Variants in NBPF12 observed in about 807,000 individuals in gnomAD.
The protein encoded by NBPF12 is NBPF member 12, also known as NBPF family member NBPF12.
A neutral mutation model predicts 146.4 loss-of-function variants in NBPF12; 115 were observed. The observed-to-expected ratio is 0.79, with a 90% CI of 0.68 to 0.92. The LOEUF (loss-of-function observed/expected upper bound fraction) is 0.92. Among genes scored for constraint, NBPF12 ranks in the 40% least tolerant of loss-of-function variants. The pLI, the probability that NBPF12 is intolerant of heterozygous loss-of-function variation, is 0.00. For missense variants in NBPF12, 1,205 were observed against 1,326.8 expected (o/e 0.91, Z 1.43); for synonymous variants, 385 against 508.9 (o/e 0.76, Z 3.28).
chr1:146,974,236 A>C (rs1656847906), intron 14 of NBPF12, among the ~76,000 whole-genome samples: 1 of 147,136 alleles, frequency 6.8e-6, no homozygotes, highest in Non-Finnish European at 1.5e-5. Flanking sequence ...TGCTTCAGAT[A>C]TGATTCTTAA....
At chr1:146,960,537 T>C (rs1298029915) in intron 4 of NBPF12, among the ~76,000 whole-genome samples, 1 of 151,914 alleles carries the variant, frequency 6.6e-6, no homozygotes, top group African/African-American at 2.4e-5. Flanking sequence ...GGGACTAGAG[T>C]TAAACTCACA....
intron 17 of NBPF12, among the ~76,000 whole-genome samples, chr1:146,977,245 A>G (rs1657102710): frequency 7.0e-6 from 1 of 142,102 alleles, no homozygotes; most frequent in Non-Finnish European, 1.5e-5. Context: ...CTATCTGTCC[A>G]GTGCAATGAA....
intron 8 of NBPF12, among the ~76,000 whole-genome samples, chr1:146,965,345 A>G (rs1304866805): frequency 1.3e-5 from 2 of 151,418 alleles, no homozygotes; most frequent in African/African-American, 2.4e-5. Context: ...CGAAGAATAC[A>G]AAAAATTAGG....
rs1553886355 is a variant in NBPF12 at position 146,971,204 on chromosome 1, A to G, written c.1401A>G (p.Glu467=). The change falls in exon 13 of 34, where the codon GAA becomes GAG. Residue 467 remains glutamate, a synonymous_variant. Transcript: ENST00000617844. ...TCAGGGAGATGCAGAAGGCTGAAGA[A>G]AGCAAAGTCCCTGAGGACTCACTGG... 1.4e-4 allele frequency: 219 copies of G among 1,609,296 alleles called. 5 individuals carry two copies. The highest frequency in any genetic ancestry group is 5.8e-4 in the East Asian group (26 of 44,818).
rs1231872061 is a variant in NBPF12, at chr1:146,957,834, A to T, written c.-183-2025A>T. On this transcript the variant is annotated intron_variant, in intron 2 of 33. Coordinates refer to ENST00000617844, the Ensembl canonical transcript of NBPF12. ...GCTCCGCCACTTAAAAAAGAAAAAAAAAATATAATATATATATATATACAC... is the reference window on the plus strand; with the variant it reads ...GCTCCGCCACTTAAAAAAGAAAAAATAAATATAATATATATATATATACAC... 3.2e-5 allele frequency among the ~76,000 whole-genome samples: 3 copies of T among 92,846 alleles called. 1 individual carries two copies. Among genetic ancestry groups the T allele is most frequent in the Non-Finnish European group, 6.4e-5 (3 of 46,940 alleles). The allele number at this position is 92,846 out of a possible 152,430, so 60.9% of individuals were successfully genotyped here. A position where few individuals can be genotyped will look rare whatever the true frequency, so the allele number is the denominator to read the frequency against.
At chr1:146,984,971 C>T in exon 22 of NBPF12, 1 of 1,345,152 alleles carries the variant, frequency 7.4e-7, no homozygotes. Context: ...GTTGGCTTGG[C>T]TGTTGACATG....
chr1:146,953,478 G>T (rs1412981248), intron 2 of NBPF12, among the ~76,000 whole-genome samples: 1 of 132,960 alleles, frequency 7.5e-6, no homozygotes, highest in Non-Finnish European at 1.6e-5. Flanking sequence ...CAAAGTGCTG[G>T]GATTACAGGC....
chr1:146,961,074 A>G (rs1655818310), intron 4 of NBPF12, among the ~76,000 whole-genome samples: 1 of 152,132 alleles, frequency 6.6e-6, no homozygotes, highest in Non-Finnish European at 1.5e-5. Context: ...TGAACCCAGC[A>G]GGCAGGTGTT....
At chr1:146,972,117 CA>C (rs1656678325) in intron 13 of NBPF12, among the ~76,000 whole-genome samples, 1 of 146,644 alleles carries the variant, frequency 6.8e-6, no homozygotes, top group Non-Finnish European at 1.5e-5. Context: ...AGTCTCTGAC[CA>C]GGGGCGCTGG....
chr1:146,946,188 G>A (rs1655055626), upstream of NBPF12, among the ~76,000 whole-genome samples: 6 of 139,532 alleles, frequency 4.3e-5, no homozygotes, highest in South Asian at 1.3e-3. Context: ...TCATTCACTT[G>A]GTGAAAGACG....
At chr1:146,951,386 A>T in exon 2 of NBPF12, 2 of 625,948 alleles carry the variant, frequency 3.2e-6, no homozygotes, top group Non-Finnish European at 5.6e-6. Flanking sequence ...ATAATATCAT[A>T]CCTGGAGAAA....
intron 25 of NBPF12, among the ~76,000 whole-genome samples, 159 bp from the exon 29 acceptor site, chr1:146,987,794 CT>C (rs1371703588): frequency 1.3e-5 from 2 of 151,918 alleles, no homozygotes; most frequent in African/African-American, 2.4e-5. Context: ...CCATTTGGCC[CT>C]GTTCTGTCCC....
intron 10 of NBPF12, among the ~76,000 whole-genome samples, chr1:146,969,125 G>C (rs1342686659): frequency 6.6e-6 from 1 of 151,224 alleles, no homozygotes; most frequent in South Asian, 2.1e-4. Flanking sequence ...GAATTAGGAA[G>C]ACACCTACTT....
intron 19 of NBPF12, among the ~76,000 whole-genome samples, chr1:146,981,886 A>G (rs1229877306): frequency 6.7e-6 from 1 of 149,576 alleles, no homozygotes; most frequent in East Asian, 2.0e-4. Context: ...TTCTCGTGCC[A>G]TGGTTTTCAG....
At position 146,951,242 on chromosome 1, in the gene NBPF12, C is replaced by G. The variant is rs1221793972; in HGVS notation, c.-325-106C>G. ...CTTCTCTCAGGCCACACAGGGCACT[C>G]AAGTGAACAGGGCATGGGGGCCCTG... On this transcript the variant is annotated intron_variant, in intron 1 of 33. Coordinates refer to ENST00000617844, the Ensembl canonical transcript of NBPF12. The G allele has an allele frequency of 4.5e-6, 3 of 670,990 alleles. No individual in the cohort carries two copies. In the African/African-American group the frequency reaches 5.4e-5, roughly 12 times the overall value. The allele number at this position is 670,990 out of a possible 1,614,324, so 41.6% of individuals were successfully genotyped here. A position where few individuals can be genotyped will look rare whatever the true frequency, so the allele number is the denominator to read the frequency against.
chr1:146,963,297 A>C, exon 6 of NBPF12: 8 of 1,611,968 alleles, frequency 5.0e-6, no homozygotes, highest in Non-Finnish European at 6.8e-6. Context: ...ACTTGTCCAA[A>C]AGCTCAGCCC....
At chr1:146,954,900 CGTGTGTGT>C (rs1185399956) in intron 2 of NBPF12, among the ~76,000 whole-genome samples, 11 of 110,980 alleles carry the variant, frequency 9.9e-5, no homozygotes, top group South Asian at 6.3e-4. Flanking sequence ...CACACACAAA[CGTGTGTGT>C]GTGTGTGTGT....
At position 146,939,335 on chromosome 1, in the gene NBPF12, C is replaced by T. The variant is rs1553882570; in HGVS notation, c.-822+353C>T. On this transcript the variant is annotated intron_variant, in intron 1 of 35. Transcript: ENST00000617931. ...CACCCCACCCTCGAGGCCGTTCCTT[C>T]TGGGAACTTGGGCAAGAGCGCTCGC... 8.9e-4 allele frequency among the ~76,000 whole-genome samples: 136 copies of T among 152,174 alleles called. No homozygotes were observed. The East Asian group carries it at 0.022, about 25-fold the overall frequency.
intron 16 of NBPF12, among the ~76,000 whole-genome samples, chr1:146,976,646 T>G (rs1477183988): frequency 1.3e-4 from 19 of 151,380 alleles, no homozygotes; most frequent in East Asian, 7.7e-4. Flanking sequence ...GGGAGACAGC[T>G]GCCAAAGTCC....
Sources: gnomAD v4.1 joint callset for allele counts (sites outside exome capture counted in the v4.1 genomes callset) on GRCh38, gnomAD v4.1.1 for gene constraint, MANE v1.5 for transcripts, NCBI Gene and HGNC (gene_info 2026-07-23, HGNC 2026-07-21) for gene names.